The following KIR2DL3 variants were observed in gnomAD, a reference collection of about 807,000 sequenced individuals.
KIR2DL3 encodes the protein killer cell immunoglobulin-like receptor 2DL3.
KIR2DL3 carries 39 observed loss-of-function variants against 33.8 expected under a neutral mutation model. That is an observed-to-expected ratio of 1.15 (90% CI 0.89 to 1.51). The LOEUF (loss-of-function observed/expected upper bound fraction) is 1.51. Among genes scored for constraint, KIR2DL3 ranks in the 40% most tolerant of loss-of-function variants. The probability of loss-of-function intolerance (pLI) is 0.00; values close to 1 mark genes in which losing one functional copy is unlikely to be tolerated. For synonymous variants in KIR2DL3, 174 were observed against 160.2 expected, an observed-to-expected ratio of 1.09 and a Z score of -0.65; for missense variants, 462 against 426.2, an observed-to-expected ratio of 1.08 and a Z score of -0.74.
intron 5 of KIR2DL3, among the ~76,000 whole-genome samples, chr19:54,748,275 T>C (rs1237145173): frequency 6.6e-6 from 1 of 151,954 alleles, no homozygotes; most frequent in East Asian, 1.9e-4. Context: ...TTGGGGATTC[T>C]ATTGGGTTCA....
chr19:54,749,155 A>T (rs1230653242), intron 5 of KIR2DL3, among the ~76,000 whole-genome samples: 513 of 150,376 alleles, frequency 3.4e-3, no homozygotes, highest in African/African-American at 0.012. Flanking sequence ...ATGTGGGGAG[A>T]ATGACAAGAC....
At chr19:54,742,413 C>T (rs1467963853) in intron 3 of KIR2DL3, 134 bp downstream of exon 3, 6 of 1,305,378 alleles carry the variant, frequency 4.6e-6, no homozygotes, top group Admixed American at 1.9e-5. Flanking sequence ...GAGGTTTGTA[C>T]CAACAGAGAC....
rs1338440568 is a variant in KIR2DL3, at chr19:54,751,526, C to A, written c.716-123C>A. On this transcript the variant is annotated intron_variant, in intron 5 of 7. Coordinates refer to ENST00000342376, the MANE Select transcript of KIR2DL3 (RefSeq NM_015868.3). Reference sequence around the variant, plus strand: ...AAGCAGGAGAAAGCTGGGTCTCCCTCCATCTGGGTGCTTGTCCTAAAGGGG... The same window carrying A: ...AAGCAGGAGAAAGCTGGGTCTCCCTACATCTGGGTGCTTGTCCTAAAGGGG... The A allele has an allele frequency of 4.7e-6, 4 of 842,802 alleles. No homozygotes were observed. The African/African-American group carries it at 7.7e-5, about 16-fold the overall frequency. 52.2% of individuals were successfully genotyped at this position (842,802 alleles called of 1,614,324 possible).
intron 5 of KIR2DL3, among the ~76,000 whole-genome samples, chr19:54,748,801 A>G (rs1242581824): frequency 5.5e-5 from 8 of 146,740 alleles, no homozygotes; most frequent in Admixed American, 4.1e-4. Flanking sequence ...CTTTTTGTAT[A>G]TTTTTTGTAG....
intron 5 of KIR2DL3, 23 bp from the exon 6 acceptor site, chr19:54,751,626 A>C (rs1477289674): frequency 6.8e-7 from 1 of 1,462,610 alleles, no homozygotes; most frequent in Non-Finnish European, 9.3e-7. Flanking sequence ...TTAGCTTCTT[A>C]TTGGTGTCTC....
At chr19:54,738,880 ATGGG>A (rs2070340839) in intron 1 of KIR2DL3, among the ~76,000 whole-genome samples, 1 of 73,110 alleles carries the variant, frequency 1.4e-5, no homozygotes, top group Admixed American at 1.7e-4. Flanking sequence ...GAGTGGAGAT[ATGGG>A]CCTGGAGTGG....
chr19:54,740,063 A>C (rs1260444326), intron 2 of KIR2DL3, among the ~76,000 whole-genome samples: 2 of 152,222 alleles, frequency 1.3e-5, no homozygotes. Flanking sequence ...GAGTCTCTTT[A>C]CTCAGCACTT....
At chr19:54,742,922 A>G (rs2147050566) in intron 3 of KIR2DL3, among the ~76,000 whole-genome samples, 1 of 151,768 alleles carries the variant, frequency 6.6e-6, no homozygotes, top group East Asian at 1.9e-4. Flanking sequence ...AGACATAAAC[A>G]CACAGAGAAT....
At chr19:54,748,861 A>T (rs2072985303) in intron 5 of KIR2DL3, among the ~76,000 whole-genome samples, 1 of 149,388 alleles carries the variant, frequency 6.7e-6, no homozygotes, top group Admixed American at 6.7e-5. Context: ...TCCCAACCTC[A>T]AGTGATCCGA....
intron 2 of KIR2DL3, among the ~76,000 whole-genome samples, chr19:54,739,768 G>A (rs1388527809): frequency 6.6e-6 from 1 of 152,102 alleles, no homozygotes; most frequent in African/African-American, 2.4e-5. Flanking sequence ...GGGGTGTGTG[G>A]TTGGGAAGTG....
At chr19:54,744,188 G>C in intron 4 of KIR2DL3, 100 bp downstream of exon 4, 1 of 1,548,806 alleles carries the variant, frequency 6.5e-7, no homozygotes, top group South Asian at 1.1e-5. Context: ...GATGCAGAGA[G>C]AAGACGAAGC....
chr19:54,747,766 A>G (rs1484900748), intron 5 of KIR2DL3, among the ~76,000 whole-genome samples: 2 of 152,150 alleles, frequency 1.3e-5, no homozygotes, highest in African/African-American at 4.8e-5. Flanking sequence ...CCACTTGCCA[A>G]GGAATGAATT....
chr19:54,744,921 CATATATATATATATAT>C (rs1177112432), intron 4 of KIR2DL3, among the ~76,000 whole-genome samples: 11 of 25,276 alleles, frequency 4.4e-4, no homozygotes, highest in Non-Finnish European at 6.1e-4. Context: ...CATATATAAA[CATATATATATATATAT>C]ATATATATAT....
chr19:54,750,205 A>T (rs1024554238), intron 5 of KIR2DL3, among the ~76,000 whole-genome samples: 1 of 132,674 alleles, frequency 7.5e-6, no homozygotes, highest in African/African-American at 2.9e-5. Flanking sequence ...ACTTCCAATC[A>T]CCTGTGGAGA....
At chr19:54,739,091 A>G (rs1185251850) in intron 1 of KIR2DL3, among the ~76,000 whole-genome samples, 2 of 145,286 alleles carry the variant, frequency 1.4e-5, no homozygotes, top group Non-Finnish European at 3.0e-5. Context: ...TGGAGTGGAG[A>G]TATGGGCCTA....
chr19:54,739,570 T>A (rs922754249), intron 2 of KIR2DL3, 28 bp downstream of exon 2: 42 of 1,613,848 alleles, frequency 2.6e-5, no homozygotes, highest in Non-Finnish European at 3.3e-5. Flanking sequence ...CCTTCGGGTG[T>A]CATCTCCCCA....
chr19:54,744,494 A>G (rs2071885161), intron 4 of KIR2DL3, among the ~76,000 whole-genome samples: 1 of 151,966 alleles, frequency 6.6e-6, no homozygotes, highest in African/African-American at 2.4e-5. Flanking sequence ...ATATTTATTG[A>G]GGATAAATAT....
rs1468052877 is a variant in KIR2DL3 at position 54,740,988 on chromosome 19, T to TCC, written c.71-991_71-990insCC. On this transcript the variant is annotated intron_variant, in intron 2 of 7. Coordinates refer to ENST00000342376, the MANE Select transcript of KIR2DL3 (RefSeq NM_015868.3). The stretch of plus-strand genomic sequence containing the variant: ...AGGCTGGAAAAGTCAAGGAACTGAT[T>TCC]CTCCAGAGTCTCCAGAGGGAACAAA... 4.0e-5 allele frequency among the ~76,000 whole-genome samples: 6 copies of TCC among 151,578 alleles called. 1 individual carries two copies. Among genetic ancestry groups the TCC allele is most frequent in the Admixed American group, 1.3e-4 (2 of 15,158 alleles).
chr19:54,743,614 G>A (rs1364298799), intron 3 of KIR2DL3, among the ~76,000 whole-genome samples, 181 bp from the exon 4 acceptor site: 1 of 152,052 alleles, frequency 6.6e-6, no homozygotes, highest in African/African-American at 2.4e-5. Flanking sequence ...CGAGGTCAGA[G>A]ACCTAGAGAG....
Sources: gnomAD v4.1 joint callset for allele counts (sites outside exome capture counted in the v4.1 genomes callset) on GRCh38, gnomAD v4.1.1 for gene constraint, MANE v1.5 for transcripts, NCBI Gene and HGNC (gene_info 2026-07-23, HGNC 2026-07-21) for gene names.